The following KLHL4 variants were observed in gnomAD, a reference collection of about 807,000 sequenced individuals.
KLHL4 encodes the protein kelch like family member 4, also known as kelch-like protein 4.
A neutral mutation model predicts 45.8 loss-of-function variants in KLHL4; 17 were observed. The ratio of observed to expected loss-of-function variants is 0.37; its 90% CI spans 0.25 to 0.56. The LOEUF (loss-of-function observed/expected upper bound fraction) is 0.56. Ranked by LOEUF, KLHL4 falls within the 20% of genes least tolerant of loss-of-function variation. The probability of loss-of-function intolerance (pLI) is 0.79; values close to 1 mark genes in which losing one functional copy is unlikely to be tolerated. For missense variants in KLHL4, 544 were observed against 544.9 expected (o/e 1.00, Z 0.02); for synonymous variants, 224 against 189.9 (o/e 1.18, Z -1.47).
intron 9 of KLHL4, among the ~76,000 whole-genome samples, chrX:87,646,647 G>T (rs1438566442): frequency 9.0e-6 from 1 of 111,635 alleles, no homozygotes; most frequent in African/African-American, 3.3e-5. Context: ...AGTGGGGAAA[G>T]GACACTGTAT....
intron 1 of KLHL4, among the ~76,000 whole-genome samples, chrX:87,560,193 T>C (rs2147784442): frequency 8.9e-6 from 1 of 111,991 alleles, no homozygotes; most frequent in African/African-American, 3.2e-5. Flanking sequence ...AGACTTCTTG[T>C]TGTATCTTTT....
intron 1 of KLHL4, among the ~76,000 whole-genome samples, chrX:87,543,494 A>G (rs1396410417): frequency 9.0e-6 from 1 of 111,439 alleles, no homozygotes; most frequent in Non-Finnish European, 1.9e-5. Flanking sequence ...CTCAGATGCC[A>G]CCCCTCCCCA....
At chrX:87,596,080 G>A (rs1326437867) in intron 1 of KLHL4, among the ~76,000 whole-genome samples, 1 of 110,864 alleles carries the variant, frequency 9.0e-6, no homozygotes, top group Non-Finnish European at 1.9e-5. Context: ...TCTTACTCTT[G>A]CTCCTGCTCT....
intron 1 of KLHL4, among the ~76,000 whole-genome samples, chrX:87,539,790 G>T (rs1401481392): frequency 1.8e-5 from 2 of 111,098 alleles, no homozygotes; most frequent in Non-Finnish European, 3.8e-5. Context: ...AAATTGATTA[G>T]TCAGTCCTTT....
chrX:87,606,526 A>G (rs1213587197), intron 1 of KLHL4, among the ~76,000 whole-genome samples: 1 of 111,661 alleles, frequency 9.0e-6, no homozygotes, highest in Non-Finnish European at 1.9e-5. Flanking sequence ...GGGAGACATT[A>G]CAACTAGTAT....
chrX:87,603,619 A>T (rs1036045664), intron 1 of KLHL4, among the ~76,000 whole-genome samples: 2 of 111,153 alleles, frequency 1.8e-5, no homozygotes, highest in Non-Finnish European at 3.8e-5. Context: ...TTGATGTTTA[A>T]ATACATATAT....
At chrX:87,650,256 C>T (rs1277059364) in intron 9 of KLHL4, among the ~76,000 whole-genome samples, 1 of 110,882 alleles carries the variant, frequency 9.0e-6, no homozygotes, top group Non-Finnish European at 1.9e-5. Context: ...CCACCACACT[C>T]GGCAAAATTT....
At chrX:87,561,717 G>A (rs768370923) in intron 1 of KLHL4, among the ~76,000 whole-genome samples, 4 of 110,430 alleles carry the variant, frequency 3.6e-5, no homozygotes, top group Non-Finnish European at 5.7e-5. Context: ...ACTTCAGGCC[G>A]TGCTGCTTGC....
chrX:87,542,457 C>T (rs1931579664), intron 1 of KLHL4, among the ~76,000 whole-genome samples: 1 of 112,263 alleles, frequency 8.9e-6, no homozygotes, highest in Admixed American at 9.4e-5. Context: ...ACTGTGCAGC[C>T]TTGGGAGCCC....
chrX:87,554,383 T>C (rs7053299), intron 1 of KLHL4, among the ~76,000 whole-genome samples: 4,720 of 78,272 alleles, frequency 0.06, 278 homozygotes, highest in East Asian at 0.19. Flanking sequence ...TTGTATCCTC[T>C]TTTATTTCCT....
At chrX:87,546,805 G>A (rs1219957058) in intron 1 of KLHL4, among the ~76,000 whole-genome samples, 1 of 112,692 alleles carries the variant, frequency 8.9e-6, no homozygotes, top group Non-Finnish European at 1.9e-5. Context: ...TGTGAGACAG[G>A]GAGTCAAAGG....
intron 5 of KLHL4, among the ~76,000 whole-genome samples, chrX:87,625,274 T>A (rs1261834817): frequency 8.9e-6 from 1 of 112,419 alleles, no homozygotes; most frequent in East Asian, 2.8e-4. Context: ...CATGAAATAT[T>A]CAAACTTCTA....
At chrX:87,518,703 A>G (rs898974112) in intron 1 of KLHL4, among the ~76,000 whole-genome samples, 1 of 111,903 alleles carries the variant, frequency 8.9e-6, no homozygotes, top group Non-Finnish European at 1.9e-5. Flanking sequence ...AGTTAGGCCA[A>G]CTTTAACAAA....
chrX:87,544,563 G>A (rs1170801880), intron 1 of KLHL4, among the ~76,000 whole-genome samples: 1 of 111,516 alleles, frequency 9.0e-6, no homozygotes, highest in Non-Finnish European at 1.9e-5. Flanking sequence ...TGGCCACAAG[G>A]GTATTTGTGT....
At chrX:87,602,503 C>T (rs1290859096) in intron 1 of KLHL4, among the ~76,000 whole-genome samples, 2 of 111,650 alleles carry the variant, frequency 1.8e-5, no homozygotes, top group Non-Finnish European at 3.8e-5. Context: ...TTTAGCCAGA[C>T]AAATCCTGTT....
chrX:87,638,358 A>G (rs916597790), intron 9 of KLHL4, among the ~76,000 whole-genome samples: 2 of 111,860 alleles, frequency 1.8e-5, no homozygotes, highest in Non-Finnish European at 3.8e-5. Context: ...TGGGAAATTT[A>G]TCACAAAAAA....
intron 1 of KLHL4, among the ~76,000 whole-genome samples, chrX:87,576,594 T>C (rs1043680962): frequency 2.7e-5 from 3 of 111,960 alleles, no homozygotes; most frequent in South Asian, 3.6e-4. Context: ...CAATTGATGA[T>C]TTATATGGAG....
chrX:87,538,187 G>A (rs1473425033), intron 1 of KLHL4, among the ~76,000 whole-genome samples: 1 of 111,266 alleles, frequency 9.0e-6, no homozygotes, highest in African/African-American at 3.3e-5. Flanking sequence ...TACACGCAGA[G>A]GCATCTCAAC....
chrX:87,648,833 T>G (rs920246285), intron 9 of KLHL4, among the ~76,000 whole-genome samples: 2 of 111,137 alleles, frequency 1.8e-5, no homozygotes, highest in African/African-American at 3.3e-5. Context: ...GAGATGCAAC[T>G]TATTTTTTTA....
Sources: gnomAD v4.1 joint callset for allele counts (sites outside exome capture counted in the v4.1 genomes callset) on GRCh38, gnomAD v4.1.1 for gene constraint, MANE v1.5 for transcripts, NCBI Gene and HGNC (gene_info 2026-07-23, HGNC 2026-07-21) for gene names.